Variants in CIAO3 observed in about 807,000 individuals in gnomAD.
CIAO3 encodes LET1 like/JFP15.
Under a neutral mutation model 51.5 loss-of-function variants are expected in CIAO3, and 45 were observed. The observed-to-expected ratio is 0.87, with a 90% confidence interval of 0.69 to 1.12. The LOEUF (loss-of-function observed/expected upper bound fraction) is 1.12, where lower values mean the gene tolerates loss of function less well. Among genes scored for constraint, CIAO3 ranks in the 50% most tolerant of loss-of-function variants. CIAO3 has a pLI of 0.00. For missense variants in CIAO3, 668 were observed against 632.5 expected (o/e 1.06, Z -0.60); for synonymous variants, 314 against 269.3 (o/e 1.17, Z -1.63).
chr16:731,379 C>CCCCACAA (rs2041279902), intron 9 of CIAO3, 186 bp downstream of exon 9: 1 of 785,712 alleles, frequency 1.3e-6, no homozygotes, highest in Non-Finnish European at 1.9e-6. Flanking sequence ...GCCTGGAGTG[C>CCCCACAA]TTAGGTGCCT....
chr16:734,109 C>T (rs1463729564), intron 6 of CIAO3, 120 bp downstream of exon 6: 1 of 868,564 alleles, frequency 1.2e-6, no homozygotes, highest in African/African-American at 1.6e-5. Flanking sequence ...TGGAGGTGTG[C>T]TGGGGAAGGC....
intron 3 of CIAO3, among the ~76,000 whole-genome samples, chr16:736,761 T>C (rs1292243564): frequency 6.6e-6 from 1 of 152,130 alleles, no homozygotes; most frequent in African/African-American, 2.4e-5. Context: ...TCTCCTGGGT[T>C]CAAGCGATTC....
At position 729,808 on chromosome 16, in the gene CIAO3, G is replaced by A; in HGVS notation, c.*609C>T. 1 of 967,408 alleles carries A rather than the reference G, an allele frequency of 1.0e-6. No individual in the cohort carries two copies. The highest frequency in any genetic ancestry group is 1.4e-6 in the Non-Finnish European group (1 of 718,226). 59.9% of individuals were successfully genotyped at this position (967,408 alleles called of 1,614,324 possible). A position where few individuals can be genotyped will look rare whatever the true frequency, so the allele number is the denominator to read the frequency against. On this transcript the variant is annotated 3_prime_UTR_variant, in exon 11 of 11. Coordinates refer to ENST00000251588, the MANE Select transcript of CIAO3 (RefSeq NM_022493.3). ...TTTATTAGACAAACGCTGGGAGACA[G>A]GCCTGGTGGGGACCTGGCTGGGGGA...
intron 1 of CIAO3, 167 bp from the exon 2 acceptor site, chr16:739,905 C>G: frequency 8.0e-7 from 1 of 1,256,552 alleles, no homozygotes; most frequent in Non-Finnish European, 1.1e-6. Flanking sequence ...CCCCACTGCT[C>G]TCACCCAGGG....
intron 2 of CIAO3, chr16:738,033 C>T: frequency 1.8e-6 from 2 of 1,110,692 alleles, no homozygotes; most frequent in Non-Finnish European, 2.2e-6. Flanking sequence ...GTGGGAACCC[C>T]TCGCAGCCCA....
rs2041304169 is a variant in CIAO3 at position 733,296 on chromosome 16, A to T, written c.823+2T>A. ...GCTCAGGGCCGCACGGCGTGACCGCACCTGTTGTGAGGACACAGTCCACAT... is the reference window on the plus strand; with the variant it reads ...GCTCAGGGCCGCACGGCGTGACCGCTCCTGTTGTGAGGACACAGTCCACAT... On this transcript the variant is annotated splice_donor_variant, in intron 7 of 10. Coordinates refer to ENST00000251588, the MANE Select transcript of CIAO3 (RefSeq NM_022493.3). LOFTEE classifies it high-confidence loss of function. 1 of 1,613,122 alleles carries T rather than the reference A, an allele frequency of 6.2e-7. No individual in the cohort carries two copies. Among genetic ancestry groups the T allele is most frequent in the Non-Finnish European group, 8.5e-7 (1 of 1,179,906 alleles).
Position 734,212 on chromosome 16 carries a change from TG to T in CIAO3, c.693+16del, listed in dbSNP as rs2041314242. On this transcript the variant is annotated intron_variant, in intron 6 of 10. Transcript: ENST00000251588. ...CCGCTCCCCAGCCTGAGTCTGGGGCTGGCCCAACGCCGTTACCTGCTGCTGG... is the reference window on the plus strand; with the variant it reads ...CCGCTCCCCAGCCTGAGTCTGGGGCTGCCCAACGCCGTTACCTGCTGCTGG... 3.7e-6 allele frequency: 6 copies of T among 1,606,430 alleles called. No individual in the cohort carries two copies. The highest frequency in any genetic ancestry group is 5.1e-6 in the Non-Finnish European group (6 of 1,176,838).
At chr16:738,538 G>T (rs1384086708) in intron 2 of CIAO3, 7 of 146,364 alleles carry the variant, frequency 4.8e-5, no homozygotes, top group Admixed American at 3.4e-4. Flanking sequence ...ATTTTTAGTA[G>T]AGACGGGGTT....
chr16:735,789 A>C (rs959293271), intron 4 of CIAO3, among the ~76,000 whole-genome samples: 1 of 152,100 alleles, frequency 6.6e-6, no homozygotes, highest in African/African-American at 2.4e-5. Flanking sequence ...GAATGAAGGG[A>C]CTGGACATGG....
chr16:731,854 A>G, intron 8 of CIAO3, 152 bp from the exon 9 acceptor site: 8 of 1,047,000 alleles, frequency 7.6e-6, no homozygotes, highest in Non-Finnish European at 1.1e-5. Context: ...ACCAGCCATC[A>G]CAGGGGCCCA....
chr16:730,214 T>C lies in CIAO3; in HGVS notation c.*203A>G. The C allele has an allele frequency of 1.6e-6, 1 of 609,170 alleles. No individual in the cohort carries two copies. Among genetic ancestry groups the C allele is most frequent in the Non-Finnish European group, 2.9e-6 (1 of 345,706 alleles). The allele number at this position is 609,170 out of a possible 1,614,324, so 37.7% of individuals were successfully genotyped here. ...GCTGCCTGGGCCACCCCACCCCACC[T>C]GGGCAGAGCCAGTGGGAACCCAGAG... On this transcript the variant is annotated 3_prime_UTR_variant, in exon 11 of 11. Transcript: ENST00000251588.
intron 1 of CIAO3, chr16:740,281 C>T (rs2041378223): frequency 2.7e-6 from 1 of 376,612 alleles, no homozygotes; most frequent in South Asian, 2.0e-5. Context: ...TGGACATGGA[C>T]AGGCAGGTGC....
chr16:737,771 G>C lies in CIAO3; in HGVS notation c.163-442C>G, dbSNP rs2041354477. ...CACAGGAAGAGGAGAGCAGAGGGAG[G>C]AAGCCTGGGAGCCTGGCCTCCGGTG... On this transcript the variant is annotated intron_variant, in intron 2 of 10. Coordinates refer to ENST00000251588, the MANE Select transcript of CIAO3 (RefSeq NM_022493.3). This position sits in a 1 kb window ranked among gnomAD's most constrained non-coding sequence, Gnocchi z 5.3. 1.6e-6 allele frequency: 2 copies of C among 1,227,552 alleles called. No homozygotes were observed. The highest frequency in any genetic ancestry group is 2.8e-5 in the South Asian group (2 of 71,590). 76.0% of individuals were successfully genotyped at this position (1,227,552 alleles called of 1,614,324 possible). A position where few individuals can be genotyped will look rare whatever the true frequency, so the allele number is the denominator to read the frequency against.
chr16:736,469 G>A, intron 3 of CIAO3, 71 bp from the exon 4 acceptor site: 2 of 1,591,526 alleles, frequency 1.3e-6, no homozygotes, highest in Non-Finnish European at 1.7e-6. Flanking sequence ...AGAGCCGCAC[G>A]GTGAGATGCT....
chr16:739,433 T>C (rs1227679713), intron 2 of CIAO3: 1 of 602,638 alleles, frequency 1.7e-6, no homozygotes. Flanking sequence ...GCTGAGCAGA[T>C]CAAGCTGTTT....
rs1311254261 is a variant in CIAO3 at position 731,662 on chromosome 16, C to A, written c.937G>T (p.Gly313Ter). The change falls in exon 9 of 11, where the codon GGA (glycine) becomes TGA (stop). Residue 313 changes from glycine to a stop codon, truncating the protein, a stop_gained. Coordinates refer to ENST00000251588, the MANE Select transcript of CIAO3 (RefSeq NM_022493.3). LOFTEE classifies it high-confidence loss of function. ...TCCAGGTAGCCCCCCGAGCCCCCTC[C>A]CCGATGGCTGGTGGGCTCCTCTGCA... Reference protein sequence around the residue: ...ASAEEPTSHRGGGSGGYLEHV... With the variant: ...ASAEEPTSHR The A allele has an allele frequency of 1.3e-6, 2 of 1,557,940 alleles. No homozygotes were observed. Among genetic ancestry groups the A allele is most frequent in the East Asian group, 2.4e-5 (1 of 41,732 alleles).
intron 4 of CIAO3, 53 bp from the exon 5 acceptor site, chr16:734,924 GCA>G (rs1291136197): frequency 1.3e-6 from 2 of 1,488,786 alleles, no homozygotes; most frequent in African/African-American, 2.8e-5. Context: ...GCCCACACGA[GCA>G]CACGCCGGCG....
In CIAO3 at chr16:733,284, C is replaced by A. The variant is rs115357173; in HGVS notation, c.823+14G>T. On this transcript the variant is annotated intron_variant, in intron 7 of 10. Coordinates refer to ENST00000251588, the MANE Select transcript of CIAO3 (RefSeq NM_022493.3). ...GGAGGCTTGAGGGCTCAGGGCCGCA[C>A]GGCGTGACCGCACCTGTTGTGAGGA... is the stretch of plus-strand genomic sequence containing the variant. 201 of 1,612,532 alleles carry A rather than the reference C, an allele frequency of 1.2e-4. No homozygotes were observed. In the African/African-American group the frequency reaches 1.4e-3, roughly 11 times the overall value.
In CIAO3 at chr16:730,583, C is replaced by T. The variant is rs750830398; in HGVS notation, c.1265G>A (p.Arg422Lys). 1 of 1,611,022 alleles carries T rather than the reference C, an allele frequency of 6.2e-7. No homozygotes were observed. The change falls in exon 11 of 11, where the codon AGA becomes AAA. Residue 422 changes from arginine to lysine, a missense_variant. Arg to Lys is a conservative substitution (Grantham distance 26). Transcript: ENST00000251588. ...CTCAGCCCGGACCATGCCGTACAGT[C>T]TCTCCACGTGCTGGAGGAGCTCTCT... ...PSRELLQHVERLYGMVRAEAP... is the reference protein window; with the variant it reads ...PSRELLQHVEKLYGMVRAEAP...
Sources: allele counts gnomAD v4.1 joint callset (sites outside exome capture counted in the v4.1 genomes callset), GRCh38; gene constraint gnomAD v4.1.1; non-coding constraint Gnocchi (gnomAD v3.1); transcripts MANE v1.5; gene names NCBI Gene and HGNC (gene_info 2026-07-23, HGNC 2026-07-21).